PDE1C: variants seen among roughly 807,000 people sequenced by gnomAD.
The protein encoded by PDE1C is phosphodiesterase 1C.
In PDE1C, 62 loss-of-function variants were observed where a neutral mutation model predicts 93.1. The observed-to-expected ratio is 0.67, with a 90% confidence interval of 0.54 to 0.82. The LOEUF is 0.82. Ranked by LOEUF, PDE1C falls within the 40% of genes least tolerant of loss-of-function variation. PDE1C has a pLI of 0.00. For synonymous variants in PDE1C, 325 were observed against 310.1 expected (o/e 1.05, Z -0.50); for missense variants, 742 against 884.6 (o/e 0.84, Z 2.04).
In PDE1C at chr7:31,879,364, T is replaced by C. The variant is rs1010601177; in HGVS notation, c.243-186A>G. ...TAAGCTCGCCATGTGTGTTTCGCGA[T>C]GGTCTTGGCTTCCACTGATATTTCA... is the stretch of plus-strand genomic sequence containing the variant. On this transcript the variant is annotated intron_variant, in intron 3 of 17. Coordinates refer to ENST00000396191, the MANE Select transcript of PDE1C (RefSeq NM_001191057.4). 9 of 562,424 alleles carry C rather than the reference T, an allele frequency of 1.6e-5. No homozygotes were observed. In the East Asian group the frequency reaches 1.7e-4, roughly 11 times the overall value. 34.8% of individuals were successfully genotyped at this position (562,424 alleles called of 1,614,324 possible).
At chr7:31,672,215 C>A in the PDE1C span, among the ~76,000 whole-genome samples, 1 of 152,070 alleles carries the variant, frequency 6.6e-6, no homozygotes, top group Admixed American at 6.5e-5. Context: ...AACTGCTTGG[C>A]AAGACGGATG....
chr7:31,844,509 T>C (rs556495803), intron 9 of PDE1C, among the ~76,000 whole-genome samples: 112 of 152,092 alleles, frequency 7.4e-4, no homozygotes, highest in Non-Finnish European at 1.0e-3. Context: ...TAGTTTCTGA[T>C]GAATAGTCTA....
intron 2 of PDE1C, among the ~76,000 whole-genome samples, chr7:32,002,256 G>T (rs1785565663): frequency 6.6e-6 from 1 of 152,092 alleles, no homozygotes; most frequent in African/African-American, 2.4e-5. Flanking sequence ...CATGTTCATG[G>T]ATTACAAACA....
chr7:31,857,025 A>G (rs1213661419), intron 7 of PDE1C, among the ~76,000 whole-genome samples: 3 of 152,116 alleles, frequency 2.0e-5, no homozygotes, highest in Non-Finnish European at 4.4e-5. Context: ...TTTCTCTAAG[A>G]ACACCAGTCA....
chr7:31,868,428 A>G (rs760585683), intron 6 of PDE1C, among the ~76,000 whole-genome samples: 1 of 152,188 alleles, frequency 6.6e-6, no homozygotes, highest in Non-Finnish European at 1.5e-5. Context: ...GAAACCTTCA[A>G]CAGTAGACTA....
At chr7:32,416,898 G>C (rs1785286149) in intron 1 of PDE1C, among the ~76,000 whole-genome samples, 1 of 152,144 alleles carries the variant, frequency 6.6e-6, no homozygotes, top group South Asian at 2.1e-4. Flanking sequence ...ACAGTAAAAA[G>C]CTGTGACCTT....
At chr7:31,693,037 G>A in the PDE1C span, among the ~76,000 whole-genome samples, 1 of 151,974 alleles carries the variant, frequency 6.6e-6, no homozygotes, top group East Asian at 1.9e-4. Context: ...AAACATTTCT[G>A]CCGCTACCCA....
At chr7:31,743,595 C>A in the PDE1C span, among the ~76,000 whole-genome samples, 1 of 150,134 alleles carries the variant, frequency 6.7e-6, no homozygotes. Flanking sequence ...ACACACACAC[C>A]AATTCTGTTC....
chr7:31,683,783 T>G, the PDE1C span, among the ~76,000 whole-genome samples: 1 of 152,254 alleles, frequency 6.6e-6, no homozygotes, highest in Non-Finnish European at 1.5e-5. Flanking sequence ...ATTTTATAGA[T>G]TATTGACTAA....
At chr7:31,952,357 C>A (rs1269328510) in intron 2 of PDE1C, among the ~76,000 whole-genome samples, 2 of 152,006 alleles carry the variant, frequency 1.3e-5, no homozygotes, top group Non-Finnish European at 2.9e-5. Flanking sequence ...TCAAGCAATT[C>A]TCCTTCCTCA....
In PDE1C at chr7:32,191,793, A is replaced by C. The variant is rs540445969; in HGVS notation, c.136+17696T>G. On this transcript the variant is annotated intron_variant, in intron 2 of 18. Coordinates refer to the PDE1C transcript ENST00000396193. ...TGTTTAGCTTTTTAAGATACTACCAAGTTACTTTTCAGAATGGCTGTATCA... is the reference window on the plus strand; with the variant it reads ...TGTTTAGCTTTTTAAGATACTACCACGTTACTTTTCAGAATGGCTGTATCA... 3.9e-5 allele frequency among the ~76,000 whole-genome samples: 6 copies of C among 152,298 alleles called. No individual in the cohort carries two copies. In the East Asian group the frequency reaches 7.7e-4, roughly 20 times the overall value.
At chr7:32,183,312 G>C (rs6979498) in intron 2 of PDE1C, among the ~76,000 whole-genome samples, 46,638 of 151,824 alleles carry the variant, frequency 0.31, 8,580 homozygotes, top group East Asian at 0.58. Context: ...TTAAACTTCA[G>C]GTGGAACCAA....
intron 1 of PDE1C, among the ~76,000 whole-genome samples, chr7:32,396,522 TGGG>T (rs34693320): frequency 7.4e-6 from 1 of 135,064 alleles, no homozygotes; most frequent in Non-Finnish European, 1.6e-5. Context: ...TATTGAAGTA[TGGG>T]GGGGGGGAGT....
At chr7:31,807,793 T>C (rs1787043413) in intron 16 of PDE1C, among the ~76,000 whole-genome samples, 1 of 151,940 alleles carries the variant, frequency 6.6e-6, no homozygotes, top group South Asian at 2.1e-4. Flanking sequence ...TAAACAAACC[T>C]TACCTATAAT....
At chr7:31,905,252 T>C (rs1186496857) in intron 2 of PDE1C, among the ~76,000 whole-genome samples, 1 of 152,192 alleles carries the variant, frequency 6.6e-6, no homozygotes, top group Admixed American at 6.5e-5. Flanking sequence ...TGGATTCTTA[T>C]AGAACATCTC....
chr7:32,086,632 G>C (rs1797097707), intron 3 of PDE1C, among the ~76,000 whole-genome samples: 1 of 152,092 alleles, frequency 6.6e-6, no homozygotes, highest in South Asian at 2.1e-4. Flanking sequence ...AACCAAAACA[G>C]CATGGTACTG....
At chr7:32,294,311 C>T (rs1422235015) in intron 1 of PDE1C, among the ~76,000 whole-genome samples, 2 of 152,204 alleles carry the variant, frequency 1.3e-5, no homozygotes, top group African/African-American at 4.8e-5. Context: ...CTGTTAGCAA[C>T]ACCTCTTCAG....
At chr7:32,406,683 G>C (rs1284374839) in intron 1 of PDE1C, among the ~76,000 whole-genome samples, 1 of 152,158 alleles carries the variant, frequency 6.6e-6, no homozygotes, top group Admixed American at 6.5e-5. Flanking sequence ...GCCACTGTTT[G>C]GTGTTTCTTG....
At chr7:32,255,139 C>T (rs1015576835) in intron 1 of PDE1C, among the ~76,000 whole-genome samples, 4 of 152,154 alleles carry the variant, frequency 2.6e-5, no homozygotes, top group African/African-American at 9.7e-5. Flanking sequence ...CTAGTAAGGG[C>T]CCAGCGCGTG....
Sources: gnomAD v4.1 joint callset for allele counts (sites outside exome capture counted in the v4.1 genomes callset) on GRCh38, gnomAD v4.1.1 for gene constraint, MANE v1.5 for transcripts, NCBI Gene and HGNC (gene_info 2026-07-23, HGNC 2026-07-21) for gene names.